The following PAK5 variants were observed in gnomAD, a reference collection of about 807,000 sequenced individuals.
The protein encoded by PAK5 is p21 (RAC1) activated kinase 5.
Under a neutral mutation model 65.9 loss-of-function variants are expected in PAK5, and 16 were observed. The ratio of observed to expected loss-of-function variants is 0.24; its 90% CI spans 0.16 to 0.37. PAK5 has a LOEUF of 0.37. PAK5 is among the 10% of genes least tolerant of loss of function. The probability of loss-of-function intolerance (pLI) is 1.00; values close to 1 mark genes in which losing one functional copy is unlikely to be tolerated. For synonymous variants in PAK5, 371 were observed against 354.9 expected (o/e 1.05, Z -0.51); for missense variants, 785 against 903.9 (o/e 0.87, Z 1.69).
chr20:9,820,793 G>A (rs1472554818), intron 1 of PAK5, among the ~76,000 whole-genome samples: 1 of 152,140 alleles, frequency 6.6e-6, no homozygotes, highest in Non-Finnish European at 1.5e-5. Flanking sequence ...TAACACGGAA[G>A]CCCTGAATAT....
intron 3 of PAK5, among the ~76,000 whole-genome samples, chr20:9,626,637 T>C (rs1600163991): frequency 1.3e-5 from 2 of 152,222 alleles, no homozygotes; most frequent in African/African-American, 4.8e-5. Flanking sequence ...AGTGAGGCGG[T>C]GTCCAGCAGG....
chr20:9,748,875 G>T (rs2048539950), intron 1 of PAK5, among the ~76,000 whole-genome samples: 1 of 152,052 alleles, frequency 6.6e-6, no homozygotes, highest in Non-Finnish European at 1.5e-5. Context: ...ATTTCAAATA[G>T]CCACAGTGGC....
Position 9,789,778 on chromosome 20 carries a change from TC to T in PAK5, c.-162+48983del, listed in dbSNP as rs551125534. Among the ~76,000 whole-genome samples the T allele has an allele frequency of 3.3e-4, 51 of 152,248 alleles. 3 individuals are homozygous for T. In the East Asian group the frequency reaches 9.3e-3, roughly 28 times the overall value. On this transcript the variant is annotated intron_variant, in intron 1 of 9. Coordinates refer to ENST00000353224, the MANE Select transcript of PAK5 (RefSeq NM_177990.4). ...TTCTAGGAGAAGCTGAAATAAAGCA[TC>T]CCTTCTCCCTTAACCTCCAGTGATG...
chr20:9,665,662 C>T (rs996225132), intron 2 of PAK5, among the ~76,000 whole-genome samples: 28 of 144,148 alleles, frequency 1.9e-4, no homozygotes, highest in Non-Finnish European at 2.4e-4. Context: ...CTTTTCTTTT[C>T]TTTTTTTTTT....
At chr20:9,736,668 C>T (rs1344290826) in intron 1 of PAK5, among the ~76,000 whole-genome samples, 2 of 152,156 alleles carry the variant, frequency 1.3e-5, no homozygotes, top group Non-Finnish European at 2.9e-5. Context: ...TCATCTTATA[C>T]CATCTTTAGA....
chr20:9,787,207 T>G (rs2049001837), intron 1 of PAK5, among the ~76,000 whole-genome samples: 1 of 152,178 alleles, frequency 6.6e-6, no homozygotes, highest in African/African-American at 2.4e-5. Flanking sequence ...GTCAAGTTAC[T>G]TGCCTGGTTT....
chr20:9,736,891 G>A (rs1435992259), intron 1 of PAK5, among the ~76,000 whole-genome samples: 1 of 152,124 alleles, frequency 6.6e-6, no homozygotes, highest in East Asian at 1.9e-4. Flanking sequence ...GTGATAATAA[G>A]AAAGTCTCAG....
At chr20:9,804,375 C>T (rs537644381) in intron 1 of PAK5, among the ~76,000 whole-genome samples, 1 of 152,242 alleles carries the variant, frequency 6.6e-6, no homozygotes, top group South Asian at 2.1e-4. Flanking sequence ...TAGACATATA[C>T]ATCAATGGAA....
intron 2 of PAK5, among the ~76,000 whole-genome samples, chr20:9,655,127 A>G (rs568160508): frequency 6.6e-6 from 1 of 152,276 alleles, no homozygotes; most frequent in Admixed American, 6.5e-5. Flanking sequence ...AGGCAGACCA[A>G]TGTTTCTAAA....
intron 2 of PAK5, among the ~76,000 whole-genome samples, chr20:9,675,506 A>ATTAT (rs1180951689): frequency 6.6e-6 from 1 of 151,920 alleles, no homozygotes; most frequent in South Asian, 2.1e-4. Context: ...TTATTTATTT[A>ATTAT]TTATTTATTT....
intron 3 of PAK5, among the ~76,000 whole-genome samples, chr20:9,599,581 G>A (rs1435504086): frequency 6.6e-6 from 1 of 152,094 alleles, no homozygotes; most frequent in Non-Finnish European, 1.5e-5. Context: ...ATCTCACTGT[G>A]ATTTTTGATT....
intron 1 of PAK5, among the ~76,000 whole-genome samples, chr20:9,755,059 T>C (rs775585656): frequency 1.3e-5 from 2 of 152,204 alleles, no homozygotes; most frequent in Non-Finnish European, 2.9e-5. Context: ...AAAGTAAATG[T>C]AATCTTTTCA....
At chr20:9,555,357 T>A (rs1400761852) in intron 7 of PAK5, among the ~76,000 whole-genome samples, 1 of 152,122 alleles carries the variant, frequency 6.6e-6, no homozygotes, top group Admixed American at 6.5e-5. Context: ...TCTTGCACAT[T>A]GAGGGGAGGG....
rs191534386 is a variant in PAK5, at chr20:9,567,166, T to C, written c.991-782A>G. 2.4e-4 allele frequency among the ~76,000 whole-genome samples: 37 copies of C among 152,310 alleles called. No individual in the cohort carries two copies. The East Asian group carries it at 6.8e-3, about 28-fold the overall frequency. On this transcript the variant is annotated intron_variant, in intron 4 of 9. Coordinates refer to ENST00000353224, the MANE Select transcript of PAK5 (RefSeq NM_177990.4). ...AGATACCACATCTTGTCATGTGGTA[T>C]GCTCCTAGCCCAGGGCAGAAAGTGC...
At chr20:9,816,266 A>G (rs1012542719) in intron 1 of PAK5, among the ~76,000 whole-genome samples, 1 of 152,198 alleles carries the variant, frequency 6.6e-6, no homozygotes, top group African/African-American at 2.4e-5. Flanking sequence ...AGGAATTACA[A>G]TTGTACTAAC....
intron 3 of PAK5, among the ~76,000 whole-genome samples, chr20:9,585,415 T>C (rs1215594566): frequency 6.6e-6 from 1 of 152,218 alleles, no homozygotes; most frequent in African/African-American, 2.4e-5. Context: ...TGGTATGCTT[T>C]AGACTCTTTT....
intron 1 of PAK5, among the ~76,000 whole-genome samples, chr20:9,747,454 G>A (rs1353450402): frequency 2.0e-5 from 3 of 151,454 alleles, no homozygotes; most frequent in South Asian, 2.1e-4. Context: ...CTGGCAAACC[G>A]AATCCAGCAG....
At chr20:9,725,263 T>C (rs2048262780) in intron 1 of PAK5, among the ~76,000 whole-genome samples, 2 of 152,108 alleles carry the variant, frequency 1.3e-5, no homozygotes, top group African/African-American at 4.8e-5. Context: ...AGAAATATGG[T>C]TTAGAAAATT....
chr20:9,799,209 C>A (rs2049139642), intron 1 of PAK5, among the ~76,000 whole-genome samples: 1 of 152,098 alleles, frequency 6.6e-6, no homozygotes, highest in South Asian at 2.1e-4. Flanking sequence ...TGCACAATGG[C>A]CTTCCAAACA....
Sources: gnomAD v4.1 joint callset for allele counts (sites outside exome capture counted in the v4.1 genomes callset) on GRCh38, gnomAD v4.1.1 for gene constraint, MANE v1.5 for transcripts, NCBI Gene and HGNC (gene_info 2026-07-23, HGNC 2026-07-21) for gene names.